RIMBP2: variants seen among roughly 807,000 people sequenced by gnomAD.
RIMBP2 encodes RIMS binding protein 2.
A neutral mutation model predicts 118.6 loss-of-function variants in RIMBP2; 48 were observed. That is an observed-to-expected ratio of 0.40 (90% confidence interval 0.32 to 0.51). RIMBP2 has a LOEUF of 0.51. Among genes scored for constraint, RIMBP2 ranks in the 20% least tolerant of loss-of-function variants. The pLI, the probability that RIMBP2 is intolerant of heterozygous loss-of-function variation, is 0.41. For synonymous variants in RIMBP2, 762 were observed against 742.9 expected (o/e 1.03, Z -0.42); for missense variants, 1,551 against 1,768.3 (o/e 0.88, Z 2.20).
chr12:130,472,693 C>T (rs768239280), intron 5 of RIMBP2, among the ~76,000 whole-genome samples: 2 of 152,098 alleles, frequency 1.3e-5, no homozygotes, highest in Non-Finnish European at 2.9e-5. Context: ...AAATTCCGTG[C>T]GCTGAAAACA....
At chr12:130,547,350 G>C (rs1418131348) in intron 2 of RIMBP2, among the ~76,000 whole-genome samples, 1 of 152,226 alleles carries the variant, frequency 6.6e-6, no homozygotes, top group Non-Finnish European at 1.5e-5. Flanking sequence ...TTTGGGCACA[G>C]TTGTGCGGAT....
rs555993167 is a variant in RIMBP2, at chr12:130,436,222, G to A, written c.2106+620C>T. On this transcript the variant is annotated intron_variant, in intron 13 of 22. Transcript: ENST00000690449. Reference sequence around the variant, plus strand: ...GCACGTCCCGTTGTGTGTATCATCCGGAACATGCCCTACCACAATCCACAT... The same window carrying A: ...GCACGTCCCGTTGTGTGTATCATCCAGAACATGCCCTACCACAATCCACAT... Among the ~76,000 whole-genome samples, 10 of 152,288 alleles carry A rather than the reference G, an allele frequency of 6.6e-5. No homozygotes were observed. In the East Asian group the frequency reaches 7.7e-4, roughly 12 times the overall value.
At chr12:130,690,939 T>G (rs945395791) in intron 1 of RIMBP2, among the ~76,000 whole-genome samples, 8 of 152,126 alleles carry the variant, frequency 5.3e-5, no homozygotes, top group African/African-American at 1.9e-4. Context: ...GTGAGGGACG[T>G]CTTCCTCTCC....
At chr12:130,496,592 C>T (rs2049183013) in intron 4 of RIMBP2, among the ~76,000 whole-genome samples, 2 of 152,104 alleles carry the variant, frequency 1.3e-5, no homozygotes, top group South Asian at 4.1e-4. Flanking sequence ...ACAGTGATAC[C>T]TCATGAAAGG....
chr12:130,559,573 C>A (rs2056647560), intron 2 of RIMBP2, among the ~76,000 whole-genome samples: 1 of 152,308 alleles, frequency 6.6e-6, no homozygotes, highest in African/African-American at 2.4e-5. Context: ...CTGAGGGACA[C>A]TTAGGTTGAT....
At chr12:130,645,125 T>C (rs920630747) in intron 1 of RIMBP2, among the ~76,000 whole-genome samples, 1 of 151,676 alleles carries the variant, frequency 6.6e-6, no homozygotes, top group Non-Finnish European at 1.5e-5. Context: ...AGTCTCACTC[T>C]GTTGCCCAGA....
In RIMBP2 at chr12:130,694,036, A is replaced by C. The variant is rs140524850; in HGVS notation, c.-352+22186T>G. ...ATTCCTGCATCCGAACTTCCATGCC[A>C]TAAGAATATAAACCCTTCTCTTGTT... On this transcript the variant is annotated intron_variant, in intron 1 of 22. Transcript: ENST00000690449. Among the ~76,000 whole-genome samples the C allele has an allele frequency of 2.9e-4, 44 of 152,364 alleles. No homozygotes were observed. In the East Asian group the frequency reaches 7.9e-3, roughly 27 times the overall value.
At chr12:130,515,417 T>C (rs1306052864) in intron 3 of RIMBP2, among the ~76,000 whole-genome samples, 1 of 152,100 alleles carries the variant, frequency 6.6e-6, no homozygotes, top group Non-Finnish European at 1.5e-5. Flanking sequence ...CTACTGTTTG[T>C]CTCTATGGCT....
chr12:130,696,259 G>A (rs998383717), intron 1 of RIMBP2, among the ~76,000 whole-genome samples: 1 of 152,218 alleles, frequency 6.6e-6, no homozygotes, highest in Non-Finnish European at 1.5e-5. Flanking sequence ...AGCTGCCTGG[G>A]GAGGGCAGAG....
intron 2 of RIMBP2, among the ~76,000 whole-genome samples, chr12:130,584,225 AT>A (rs1466124949): frequency 0.086 from 4,293 of 50,056 alleles, 266 homozygotes; most frequent in Non-Finnish European, 0.11. Context: ...CACCACCACC[AT>A]CACTTCACCA....
chr12:130,469,878 G>A lies in RIMBP2; in HGVS notation c.153+815C>T, dbSNP rs561553451. On this transcript the variant is annotated intron_variant, in intron 6 of 22. Transcript: ENST00000690449. This position sits in a 1 kb window ranked among gnomAD's most constrained non-coding sequence, Gnocchi z 4.8. The stretch of plus-strand genomic sequence containing the variant: ...TCCTTGAGGGGGTGGTGAATTACAC[G>A]ATCCTTGACTTCGGCAGGTGGGGGC... Among the ~76,000 whole-genome samples, 3 of 152,258 alleles carry A rather than the reference G, an allele frequency of 2.0e-5. No homozygotes were observed. In the South Asian group the frequency reaches 6.2e-4, roughly 32 times the overall value.
At chr12:130,458,815 T>A (rs530258268) in intron 6 of RIMBP2, among the ~76,000 whole-genome samples, 2 of 151,854 alleles carry the variant, frequency 1.3e-5, no homozygotes, top group Non-Finnish European at 2.9e-5. Flanking sequence ...GAGGCCGAGG[T>A]GGGCGGATCA....
chr12:130,616,086 G>A (rs894359669), intron 2 of RIMBP2, among the ~76,000 whole-genome samples: 10 of 152,088 alleles, frequency 6.6e-5, no homozygotes, highest in African/African-American at 2.2e-4. Context: ...AAACCTACCC[G>A]CTGGGCTCTG....
chr12:130,622,843 C>A lies in RIMBP2; in HGVS notation c.-217+5479G>T, dbSNP rs1333206772. ...GAAGACAAAATTTCTCTCTCTCTGA[C>A]CCTGCTCAATGCTTAGATGTAACCT... is the stretch of plus-strand genomic sequence containing the variant. On this transcript the variant is annotated intron_variant, in intron 2 of 22. Coordinates refer to ENST00000690449, the MANE Select transcript of RIMBP2 (RefSeq NM_001393629.1). The surrounding 1 kb of genome is among the most constrained non-coding windows in gnomAD (Gnocchi z 8.5). 6.6e-6 allele frequency among the ~76,000 whole-genome samples: 1 copy of A among 152,212 alleles called. No homozygotes were observed. The highest frequency in any genetic ancestry group is 1.5e-5 in the Non-Finnish European group (1 of 68,048).
At chr12:130,664,456 TGCAC>T (rs1221397734) in intron 1 of RIMBP2, among the ~76,000 whole-genome samples, 2 of 59,920 alleles carry the variant, frequency 3.3e-5, no homozygotes, top group African/African-American at 5.1e-5. Flanking sequence ...CGCACACACA[TGCAC>T]GCACACACAC....
chr12:130,614,724 G>A (rs2060792056), intron 2 of RIMBP2, among the ~76,000 whole-genome samples: 1 of 152,018 alleles, frequency 6.6e-6, no homozygotes, highest in African/African-American at 2.4e-5. Flanking sequence ...AGAAAATTGT[G>A]GTGTATCCGT....
intron 14 of RIMBP2, chr12:130,432,138 A>T (rs2077190741): frequency 2.3e-6 from 1 of 441,286 alleles, no homozygotes; most frequent in Admixed American, 2.4e-5. Context: ...CCGGGTTTGT[A>T]ATCTGAGCAG....
chr12:130,699,904 T>TAAAAAAAA (rs33963621), intron 1 of RIMBP2, among the ~76,000 whole-genome samples: 9 of 85,628 alleles, frequency 1.1e-4, no homozygotes, highest in Middle Eastern at 8.6e-3. Flanking sequence ...GACTCTGTCT[T>TAAAAAAAA]AAAAAAAAAA....
At chr12:130,642,522 T>A (rs944643009) in intron 1 of RIMBP2, among the ~76,000 whole-genome samples, 1 of 152,180 alleles carries the variant, frequency 6.6e-6, no homozygotes, top group East Asian at 1.9e-4. Context: ...TGACCTCAGG[T>A]GATCTGCCCG....
Sources: gnomAD v4.1 joint callset for allele counts (sites outside exome capture counted in the v4.1 genomes callset) on GRCh38, gnomAD v4.1.1 for gene constraint, Gnocchi (gnomAD v3.1) non-coding constraint, MANE v1.5 for transcripts, NCBI Gene and HGNC (gene_info 2026-07-23, HGNC 2026-07-21) for gene names.